Variants in RBM19 observed in about 807,000 individuals in gnomAD.
The protein encoded by RBM19 is RNA binding motif protein 19, also known as probable RNA-binding protein 19.
RBM19 carries 94 observed loss-of-function variants against 116.8 expected under a neutral mutation model. The ratio of observed to expected loss-of-function variants is 0.80; its 90% CI spans 0.68 to 0.95. The LOEUF is 0.95. Among genes scored for constraint, RBM19 ranks in the 40% least tolerant of loss-of-function variants. RBM19 has a pLI of 0.00. For missense variants in RBM19, 1,161 were observed against 1,220.7 expected (o/e 0.95, Z 0.73); for synonymous variants, 475 against 494.1 (o/e 0.96, Z 0.51).
chr12:113,836,712 G>A (rs531623157), intron 23 of RBM19, among the ~76,000 whole-genome samples: 4 of 152,116 alleles, frequency 2.6e-5, no homozygotes, highest in African/African-American at 9.6e-5. Flanking sequence ...CAGGCTCTGT[G>A]CTATGCCATG....
intron 22 of RBM19, among the ~76,000 whole-genome samples, chr12:113,847,754 C>A (rs1284553961): frequency 2.0e-5 from 3 of 152,210 alleles, no homozygotes; most frequent in Non-Finnish European, 2.9e-5. Flanking sequence ...TGTCAGATTT[C>A]AATGTTTCTT....
chr12:113,876,739 T>C (rs1879695908), intron 21 of RBM19, among the ~76,000 whole-genome samples: 1 of 152,026 alleles, frequency 6.6e-6, no homozygotes, highest in South Asian at 2.1e-4. Flanking sequence ...TACAGTGAGC[T>C]GAGATCGTGC....
chr12:113,947,315 GC>G lies in RBM19; in HGVS notation c.1407+18del. The G allele has an allele frequency of 1.3e-6, 2 of 1,579,088 alleles. No homozygotes were observed. The highest frequency in any genetic ancestry group is 1.7e-6 in the Non-Finnish European group (2 of 1,154,120). ...TGTGAGCCCCACAGCCTCCTGGCCA[GC>G]CCAGGACGGGGCCTCACCTGGAATA... On this transcript the variant is annotated intron_variant, in intron 11 of 23. Coordinates refer to ENST00000261741, the MANE Select transcript of RBM19 (RefSeq NM_016196.4).
chr12:113,830,790 C>G (rs1032190682), intron 23 of RBM19, among the ~76,000 whole-genome samples: 1 of 152,196 alleles, frequency 6.6e-6, no homozygotes, highest in African/African-American at 2.4e-5. Flanking sequence ...TCCCCCAAGT[C>G]TTAGGGTTTG....
chr12:113,929,800 C>T (rs1869443688), intron 16 of RBM19, among the ~76,000 whole-genome samples: 3 of 152,204 alleles, frequency 2.0e-5, no homozygotes, highest in Admixed American at 2.0e-4. Flanking sequence ...AGCCACATCA[C>T]AGAAAACAGG....
intron 23 of RBM19, among the ~76,000 whole-genome samples, chr12:113,840,466 C>T (rs1876366122): frequency 6.6e-6 from 1 of 152,242 alleles, no homozygotes; most frequent in Non-Finnish European, 1.5e-5. Flanking sequence ...TGGCAACATG[C>T]CCTGACATGT....
intron 21 of RBM19, among the ~76,000 whole-genome samples, chr12:113,887,784 G>T (rs1020057466): frequency 6.6e-6 from 1 of 151,628 alleles, no homozygotes; most frequent in Admixed American, 6.6e-5. Flanking sequence ...CAAATGGTGC[G>T]ATCTCAGCTC....
intron 21 of RBM19, among the ~76,000 whole-genome samples, chr12:113,874,262 C>T (rs1394200067): frequency 6.6e-6 from 1 of 152,226 alleles, no homozygotes; most frequent in Non-Finnish European, 1.5e-5. Context: ...TAAAAAGTGT[C>T]TGTGGAGTGC....
chr12:113,838,213 G>A (rs1352062058), intron 23 of RBM19, among the ~76,000 whole-genome samples: 1 of 152,254 alleles, frequency 6.6e-6, no homozygotes, highest in Non-Finnish European at 1.5e-5. Context: ...GGACCACTGA[G>A]ACTTGCCAAT....
chr12:113,840,311 G>A (rs1454888895), intron 23 of RBM19, among the ~76,000 whole-genome samples: 1 of 152,210 alleles, frequency 6.6e-6, no homozygotes, highest in African/African-American at 2.4e-5. Flanking sequence ...CACAGGTGAG[G>A]CCAGCAGGGA....
intron 15 of RBM19, among the ~76,000 whole-genome samples, chr12:113,938,272 T>A (rs1271908171): frequency 2.6e-5 from 4 of 152,010 alleles, no homozygotes; most frequent in Non-Finnish European, 4.4e-5. Flanking sequence ...CCTAGATAAT[T>A]TTTCTTATGG....
At chr12:113,842,962 G>A (rs751061775) in intron 23 of RBM19, among the ~76,000 whole-genome samples, 1 of 152,238 alleles carries the variant, frequency 6.6e-6, no homozygotes, top group African/African-American at 2.4e-5. Context: ...GTGTGGGCAG[G>A]AGGCAGTGTT....
intron 21 of RBM19, among the ~76,000 whole-genome samples, chr12:113,892,361 G>A (rs894451003): frequency 3.3e-5 from 5 of 152,156 alleles, no homozygotes; most frequent in African/African-American, 1.2e-4. Flanking sequence ...AAATGATGGG[G>A]CAAGGCAGAC....
Position 113,898,419 on chromosome 12 carries a change from C to T in RBM19, c.2558+16550G>A, listed in dbSNP as rs1191390343. ...GGACACTAGAGTGTTCAGATCATGTCTCTGCACCTAACCAACTGGCAACAA... is the reference window on the plus strand; with the variant it reads ...GGACACTAGAGTGTTCAGATCATGTTTCTGCACCTAACCAACTGGCAACAA... On this transcript the variant is annotated intron_variant, in intron 21 of 23. Coordinates refer to ENST00000261741, the MANE Select transcript of RBM19 (RefSeq NM_016196.4). The surrounding 1 kb of genome is among the most constrained non-coding windows in gnomAD (Gnocchi z 4.3). Among the ~76,000 whole-genome samples, 2 of 152,148 alleles carry T rather than the reference C, an allele frequency of 1.3e-5. No individual in the cohort carries two copies. The highest frequency in any genetic ancestry group is 2.4e-5 in the African/African-American group (1 of 41,432).
intron 1 of RBM19, 121 bp from the exon 2 acceptor site, chr12:113,962,535 G>A: frequency 1.1e-6 from 1 of 941,388 alleles, no homozygotes. Flanking sequence ...AAGAGGGGCA[G>A]AGTGTACTTT....
Position 113,854,758 on chromosome 12 carries a change from T to C in RBM19, c.2664+4033A>G, listed in dbSNP as rs1406925747. Reference sequence around the variant, plus strand: ...AGCAGCTCAGTAACAGACCGGGGTCTGGGCTTCCCATCAATTCATAGGGCT... The same window carrying C: ...AGCAGCTCAGTAACAGACCGGGGTCCGGGCTTCCCATCAATTCATAGGGCT... On this transcript the variant is annotated intron_variant, in intron 22 of 23. Coordinates refer to ENST00000261741, the MANE Select transcript of RBM19 (RefSeq NM_016196.4). Among the ~76,000 whole-genome samples the C allele has an allele frequency of 3.3e-5, 5 of 152,306 alleles. No individual in the cohort carries two copies. In the East Asian group the frequency reaches 9.7e-4, roughly 29 times the overall value.
chr12:113,870,782 C>T (rs1879152107), intron 21 of RBM19, among the ~76,000 whole-genome samples: 1 of 152,138 alleles, frequency 6.6e-6, no homozygotes, highest in Non-Finnish European at 1.5e-5. Context: ...CCCATAGCCA[C>T]CAACACCGGC....
At chr12:113,820,408 G>A (rs565348369), downstream of RBM19, among the ~76,000 whole-genome samples, 22 of 152,272 alleles carry the variant, frequency 1.4e-4, no homozygotes, top group East Asian at 2.1e-3. Context: ...CCAGGCAGAG[G>A]GAAGAGGCAG....
At chr12:113,893,302 C>T (rs1483534131) in intron 21 of RBM19, among the ~76,000 whole-genome samples, 2 of 152,150 alleles carry the variant, frequency 1.3e-5, no homozygotes, top group Non-Finnish European at 2.9e-5. Flanking sequence ...TGAGCCACCA[C>T]ACCTGGCCAC....
Sources: allele counts gnomAD v4.1 joint callset (sites outside exome capture counted in the v4.1 genomes callset), GRCh38; gene constraint gnomAD v4.1.1; non-coding constraint Gnocchi (gnomAD v3.1); transcripts MANE v1.5; gene names NCBI Gene and HGNC (gene_info 2026-07-23, HGNC 2026-07-21).